The following CNTNAP4 variants were observed in gnomAD, a reference collection of about 807,000 sequenced individuals.
The protein encoded by CNTNAP4 is contactin-associated protein-like 4.
A neutral mutation model predicts 148.4 loss-of-function variants in CNTNAP4; 98 were observed. That is an observed-to-expected ratio of 0.66 (90% CI 0.56 to 0.78). The LOEUF is 0.78. CNTNAP4 is among the 30% of genes least tolerant of loss of function. CNTNAP4 has a pLI of 0.00. For missense variants in CNTNAP4, 1,935 were observed against 1,565.6 expected, an observed-to-expected ratio of 1.24 and a Z score of -3.98; for synonymous variants, 730 against 565.1, an observed-to-expected ratio of 1.29 and a Z score of -4.14.
At chr16:76,541,610 T>C (rs544207652) in intron 21 of CNTNAP4, among the ~76,000 whole-genome samples, 122 of 152,326 alleles carry the variant, frequency 8.0e-4, no homozygotes, top group Middle Eastern at 3.4e-3. Flanking sequence ...TTTTTGACCT[T>C]TGCAGTTATT....
intron 13 of CNTNAP4, among the ~76,000 whole-genome samples, chr16:76,490,262 G>A (rs1228521051): frequency 6.6e-6 from 1 of 152,174 alleles, no homozygotes; most frequent in Non-Finnish European, 1.5e-5. Flanking sequence ...ATACGACTTA[G>A]TTTTCTGAAA....
At chr16:76,459,744 A>G (rs2080868869) in intron 8 of CNTNAP4, among the ~76,000 whole-genome samples, 1 of 152,238 alleles carries the variant, frequency 6.6e-6, no homozygotes, top group African/African-American at 2.4e-5. Flanking sequence ...TTTGATCTGC[A>G]GAATCACACA....
At chr16:76,545,533 A>G (rs1897252596) in intron 21 of CNTNAP4, among the ~76,000 whole-genome samples, 1 of 152,162 alleles carries the variant, frequency 6.6e-6, no homozygotes, top group South Asian at 2.1e-4. Context: ...GTCACCTGCA[A>G]AGCTTTTTAT....
At chr16:76,277,838 G>A in intron 1 of CNTNAP4, 91 bp downstream of exon 1, 2 of 835,550 alleles carry the variant, frequency 2.4e-6, no homozygotes, top group Non-Finnish European at 4.0e-6. Context: ...TTGCAGCTGG[G>A]ATTGCTGCAA....
chr16:76,397,654 A>G (rs2078248119), intron 3 of CNTNAP4, among the ~76,000 whole-genome samples: 2 of 151,960 alleles, frequency 1.3e-5, no homozygotes, highest in Admixed American at 1.3e-4. Context: ...TGCATACTAA[A>G]TAAAGAGAAC....
At chr16:76,492,112 C>G (rs1401491885) in intron 13 of CNTNAP4, among the ~76,000 whole-genome samples, 1 of 152,124 alleles carries the variant, frequency 6.6e-6, no homozygotes, top group Admixed American at 6.5e-5. Context: ...GGGAAGGGGA[C>G]TGGTGTGGAG....
intron 3 of CNTNAP4, among the ~76,000 whole-genome samples, chr16:76,396,515 A>G (rs778841714): frequency 6.6e-6 from 1 of 152,192 alleles, no homozygotes; most frequent in Non-Finnish European, 1.5e-5. Context: ...GCTGGTTTAG[A>G]CATTACTTTA....
At chr16:76,521,813 CA>C (rs199693995) in intron 16 of CNTNAP4, among the ~76,000 whole-genome samples, 2 of 1,968 alleles carry the variant, frequency 1.0e-3, no homozygotes, top group Non-Finnish European at 3.4e-3. Context: ...CTTAGAATAC[CA>C]TTTTTTTTTC....
At chr16:76,407,784 G>A (rs190790248) in intron 3 of CNTNAP4, among the ~76,000 whole-genome samples, 277 of 152,224 alleles carry the variant, frequency 1.8e-3, no homozygotes, top group Non-Finnish European at 3.1e-3. Context: ...CATGAACTTA[G>A]TTGATAAAGC....
chr16:76,410,807 G>A (rs898610292), intron 3 of CNTNAP4, among the ~76,000 whole-genome samples: 4 of 151,364 alleles, frequency 2.6e-5, no homozygotes, highest in Non-Finnish European at 5.9e-5. Flanking sequence ...AAAGTTGGTG[G>A]CAACTTAAAA....
At chr16:76,343,983 G>A (rs1385349278) in intron 2 of CNTNAP4, among the ~76,000 whole-genome samples, 1 of 152,186 alleles carries the variant, frequency 6.6e-6, no homozygotes, top group Non-Finnish European at 1.5e-5. Context: ...GTGCACGGAT[G>A]TTACAGGAAG....
Position 76,371,246 on chromosome 16 carries a change from G to A in CNTNAP4, c.390+15735G>A, listed in dbSNP as rs1259077671. Among the ~76,000 whole-genome samples the A allele has an allele frequency of 2.0e-5, 3 of 152,180 alleles. No homozygotes were observed. In the East Asian group the frequency reaches 5.8e-4, roughly 29 times the overall value. On this transcript the variant is annotated intron_variant, in intron 3 of 23. Coordinates refer to ENST00000611870, the MANE Select transcript of CNTNAP4 (RefSeq NM_033401.5). The stretch of plus-strand genomic sequence containing the variant: ...CCAGAGTTCACTGAGGAGGACCAGG[G>A]TATATATGTACCTTAATACACATCT...
At chr16:76,409,733 A>G (rs1751359887) in intron 3 of CNTNAP4, among the ~76,000 whole-genome samples, 1 of 151,978 alleles carries the variant, frequency 6.6e-6, no homozygotes. Flanking sequence ...TATTTCCCAA[A>G]TGGAATTGTC....
chr16:76,310,660 C>G (rs530652766), intron 1 of CNTNAP4, among the ~76,000 whole-genome samples: 2 of 152,134 alleles, frequency 1.3e-5, no homozygotes, highest in African/African-American at 2.4e-5. Flanking sequence ...TTATTCTAGT[C>G]TGTTCTGTAA....
At chr16:76,347,620 AAGAC>A (rs1291058753) in intron 2 of CNTNAP4, among the ~76,000 whole-genome samples, 2 of 152,162 alleles carry the variant, frequency 1.3e-5, no homozygotes, top group African/African-American at 2.4e-5. Context: ...ACAAGCCTCT[AAGAC>A]AGGGTAATAT....
Position 76,392,872 on chromosome 16 carries a change from G to A in CNTNAP4, c.391-34580G>A, listed in dbSNP as rs1296696547. On this transcript the variant is annotated intron_variant, in intron 3 of 23. Transcript: ENST00000611870. The stretch of plus-strand genomic sequence containing the variant: ...GATGCCTGTCAATGAATGAAAGGTC[G>A]CTGCAGCTGCAGGAGGGAAGTCAAA... Among the ~76,000 whole-genome samples, 4 of 152,144 alleles carry A rather than the reference G, an allele frequency of 2.6e-5. No homozygotes were observed. In the East Asian group the frequency reaches 5.8e-4, roughly 22 times the overall value.
chr16:76,358,771 C>T (rs959206642), intron 3 of CNTNAP4, among the ~76,000 whole-genome samples: 4 of 152,062 alleles, frequency 2.6e-5, no homozygotes, highest in African/African-American at 7.2e-5. Context: ...CAATAGACAC[C>T]ATTACCACAC....
intron 2 of CNTNAP4, among the ~76,000 whole-genome samples, chr16:76,346,956 C>T (rs2144407181): frequency 6.6e-6 from 1 of 152,220 alleles, no homozygotes; most frequent in East Asian, 1.9e-4. Flanking sequence ...TATTGATTGA[C>T]AGCAAAGAAC....
At chr16:76,388,804 C>A (rs2016721236) in intron 3 of CNTNAP4, among the ~76,000 whole-genome samples, 1 of 152,126 alleles carries the variant, frequency 6.6e-6, no homozygotes, top group Non-Finnish European at 1.5e-5. Context: ...GAATCAGAGA[C>A]TTTTGTAGGT....
Sources: allele counts gnomAD v4.1 joint callset (sites outside exome capture counted in the v4.1 genomes callset), GRCh38; gene constraint gnomAD v4.1.1; transcripts MANE v1.5; gene names NCBI Gene and HGNC (gene_info 2026-07-23, HGNC 2026-07-21).